The following CXCL13 variants were observed in gnomAD, a reference collection of about 807,000 sequenced individuals.
CXCL13 encodes the protein C-X-C motif chemokine ligand 13, also known as C-X-C motif chemokine 13.
A neutral mutation model predicts 12.2 loss-of-function variants in CXCL13; 7 were observed. The ratio of observed to expected loss-of-function variants is 0.57; its 90% CI spans 0.33 to 1.07. CXCL13 has a LOEUF of 1.07. Among genes scored for constraint, CXCL13 ranks in the 50% least tolerant of loss-of-function variants. The probability of loss-of-function intolerance (pLI) is 0.04; values close to 1 mark genes in which losing one functional copy is unlikely to be tolerated. For synonymous variants in CXCL13, 47 were observed against 42.4 expected, an observed-to-expected ratio of 1.11 and a Z score of -0.42; for missense variants, 113 against 127.4, an observed-to-expected ratio of 0.89 and a Z score of 0.55.
chr4:77,611,117 C>T lies in CXCL13; in HGVS notation c.*78C>T. 1 of 1,231,544 alleles carries T rather than the reference C, an allele frequency of 8.1e-7. No homozygotes were observed. Among genetic ancestry groups the T allele is most frequent in the Admixed American group, 2.0e-5 (1 of 50,184 alleles). 76.3% of individuals were successfully genotyped at this position (1,231,544 alleles called of 1,614,324 possible). A position where few individuals can be genotyped will look rare whatever the true frequency, so the allele number is the denominator to read the frequency against. On this transcript the variant is annotated 3_prime_UTR_variant, in exon 4 of 4. Coordinates refer to ENST00000682537, the MANE Select transcript of CXCL13 (RefSeq NM_001371558.1). The stretch of plus-strand genomic sequence containing the variant: ...ATTTTAGTTTTGTGCTTAGTTAAAT[C>T]TTTTCCAGGAAAAAGAACTTCCCCA...
At position 77,580,831 on chromosome 4, in the gene CXCL13, C is replaced by T. The variant is rs141233831; in HGVS notation, c.-42-24993C>T. 9.4e-3 allele frequency among the ~76,000 whole-genome samples: 1,380 copies of T among 147,102 alleles called. 10 individuals are homozygous for T. The highest frequency in any genetic ancestry group is 0.034 in the East Asian group (165 of 4,856). ...CTCCCCTCTCCCTCTCTTCTCCTCC[C>T]CTCCTCCTTTCCCCTCTCCCTTTTC... On this transcript the variant is annotated intron_variant, in intron 1 of 4. Transcript: ENST00000286758.
chr4:77,560,563 C>A (rs1407654350), intron 1 of CXCL13, among the ~76,000 whole-genome samples: 1 of 152,212 alleles, frequency 6.6e-6, no homozygotes, highest in Non-Finnish European at 1.5e-5. Context: ...TCCTCCCAGG[C>A]TCAATTGAAG....
intron 1 of CXCL13, among the ~76,000 whole-genome samples, chr4:77,517,852 G>T (rs1378569750): frequency 1.3e-5 from 2 of 152,294 alleles, no homozygotes; most frequent in East Asian, 1.9e-4. Flanking sequence ...CAGTCATTAT[G>T]ATGTCAGCTG....
chr4:77,565,483 A>C (rs1035333812), intron 1 of CXCL13, among the ~76,000 whole-genome samples: 2 of 152,218 alleles, frequency 1.3e-5, no homozygotes, highest in Non-Finnish European at 2.9e-5. Context: ...TTTCTCACTT[A>C]AGAACAGTTT....
Position 77,610,975 on chromosome 4 carries a change from T to G in CXCL13, c.279-13T>G. On this transcript the variant is annotated splice_polypyrimidine_tract_variant and intron_variant, in intron 3 of 3. Transcript: ENST00000682537. ...CTAAACATGACAATTTTGTTTTTGT[T>G]TCTGCTTCACAGAAGAAGTTCTTCA... is the stretch of plus-strand genomic sequence containing the variant. 6.2e-7 allele frequency: 1 copy of G among 1,607,894 alleles called. No individual in the cohort carries two copies.
At chr4:77,516,832 T>C (rs1052622679) in intron 1 of CXCL13, among the ~76,000 whole-genome samples, 1 of 152,206 alleles carries the variant, frequency 6.6e-6, no homozygotes, top group African/African-American at 2.4e-5. Context: ...ATCTTAGTTA[T>C]TTCTTACCTT....
At chr4:77,601,225 G>C (rs1267995375), upstream of CXCL13, among the ~76,000 whole-genome samples, 2 of 152,146 alleles carry the variant, frequency 1.3e-5, no homozygotes, top group East Asian at 3.9e-4. Context: ...GCAGGTATAG[G>C]TCTTGAAATC....
chr4:77,577,051 G>A (rs1017351665), intron 1 of CXCL13, among the ~76,000 whole-genome samples: 7 of 152,130 alleles, frequency 4.6e-5, no homozygotes, highest in African/African-American at 1.7e-4. Context: ...AGCATAGATA[G>A]CTTTTATGGG....
intron 1 of CXCL13, among the ~76,000 whole-genome samples, chr4:77,594,513 A>G (rs1423614852): frequency 1.3e-5 from 2 of 152,188 alleles, no homozygotes; most frequent in African/African-American, 2.4e-5. Context: ...GGGCATCAAC[A>G]TAGCTCAAAA....
intron 1 of CXCL13, among the ~76,000 whole-genome samples, chr4:77,518,270 G>A (rs1032909250): frequency 2.0e-5 from 3 of 152,114 alleles, no homozygotes; most frequent in East Asian, 3.9e-4. Context: ...ACAATTCTGT[G>A]TCTTGGAGTT....
intron 1 of CXCL13, among the ~76,000 whole-genome samples, chr4:77,538,213 G>A (rs973914097): frequency 6.6e-5 from 10 of 152,150 alleles, no homozygotes; most frequent in Admixed American, 1.3e-4. Context: ...AGGCAGGAAG[G>A]TGCCTCAGTT....
At chr4:77,527,201 T>TAAAAAA (rs1334930220) in intron 1 of CXCL13, among the ~76,000 whole-genome samples, 56 of 152,328 alleles carry the variant, frequency 3.7e-4, no homozygotes, top group South Asian at 1.7e-3. Context: ...TGTAGCACTG[T>TAAAAAA]ACACCGATTG....
chr4:77,564,681 G>A (rs1725883085), intron 1 of CXCL13, among the ~76,000 whole-genome samples: 1 of 152,184 alleles, frequency 6.6e-6, no homozygotes, highest in Admixed American at 6.5e-5. Context: ...AGGGCACCTA[G>A]CAAGTGCTGG....
intron 1 of CXCL13, among the ~76,000 whole-genome samples, chr4:77,531,374 G>C (rs550902660): frequency 3.4e-5 from 5 of 145,420 alleles, no homozygotes; most frequent in African/African-American, 1.3e-4. Flanking sequence ...TGCGGTGTTT[G>C]GTGGGTTCTA....
chr4:77,524,148 C>T (rs994739053), intron 1 of CXCL13, among the ~76,000 whole-genome samples: 1 of 152,158 alleles, frequency 6.6e-6, no homozygotes, highest in African/African-American at 2.4e-5. Flanking sequence ...CAGTTGGCTC[C>T]TACTGGGAGA....
chr4:77,531,966 A>G (rs923033286), intron 1 of CXCL13, among the ~76,000 whole-genome samples: 1 of 152,132 alleles, frequency 6.6e-6, no homozygotes, highest in Non-Finnish European at 1.5e-5. Context: ...GGTTTCCTGA[A>G]TACAGCACAC....
At chr4:77,608,566 T>C (rs556460862) in intron 2 of CXCL13, among the ~76,000 whole-genome samples, 118 of 152,366 alleles carry the variant, frequency 7.7e-4, no homozygotes, top group Non-Finnish European at 1.6e-3. Context: ...AGGGCATCCC[T>C]GACTTGGCAT....
intron 1 of CXCL13, among the ~76,000 whole-genome samples, chr4:77,555,729 T>C (rs1725641929): frequency 6.6e-6 from 1 of 152,126 alleles, no homozygotes; most frequent in Admixed American, 6.5e-5. Context: ...GTGTTACTTT[T>C]ATCTGATGAA....
chr4:77,541,047 T>C (rs1725195018), intron 1 of CXCL13, among the ~76,000 whole-genome samples: 2 of 152,228 alleles, frequency 1.3e-5, no homozygotes, highest in Non-Finnish European at 2.9e-5. Context: ...GCTGCTTGTA[T>C]GTTGTCTTTT....
Sources: allele counts gnomAD v4.1 joint callset (sites outside exome capture counted in the v4.1 genomes callset), GRCh38; gene constraint gnomAD v4.1.1; transcripts MANE v1.5; gene names NCBI Gene and HGNC (gene_info 2026-07-23, HGNC 2026-07-21).